DEUP1: variants seen among roughly 807,000 people sequenced by gnomAD.
DEUP1 encodes the protein coiled-coil domain containing 67.
In DEUP1, 82 loss-of-function variants were observed where a neutral mutation model predicts 87.4. The ratio of observed to expected loss-of-function variants is 0.94; its 90% CI spans 0.78 to 1.13. DEUP1 has a LOEUF of 1.13. DEUP1 is among the 50% of genes most tolerant of loss of function. The pLI is 0.00. For missense variants in DEUP1, 663 were observed against 681.5 expected, an observed-to-expected ratio of 0.97 and a Z score of 0.30; for synonymous variants, 214 against 222.7, an observed-to-expected ratio of 0.96 and a Z score of 0.35.
At chr11:93,407,489 C>A (rs1247842364) in intron 11 of DEUP1, among the ~76,000 whole-genome samples, 1 of 151,962 alleles carries the variant, frequency 6.6e-6, no homozygotes, top group African/African-American at 2.4e-5. Context: ...TTATAATTTT[C>A]TAAGTAGGCA....
At chr11:93,405,590 T>A (rs138353558) in intron 11 of DEUP1, among the ~76,000 whole-genome samples, 1 of 151,962 alleles carries the variant, frequency 6.6e-6, no homozygotes, top group African/African-American at 2.4e-5. Context: ...CCATAATAGG[T>A]AGTAAGCGGA....
intron 2 of DEUP1, among the ~76,000 whole-genome samples, chr11:93,334,405 CA>C (rs1456269173): frequency 6.6e-6 from 1 of 152,072 alleles, no homozygotes; most frequent in Non-Finnish European, 1.5e-5. Context: ...TAGCAGTGAA[CA>C]AAATAGACAA....
intron 4 of DEUP1, among the ~76,000 whole-genome samples, chr11:93,362,691 C>G (rs1174171423): frequency 1.3e-5 from 2 of 151,832 alleles, no homozygotes; most frequent in African/African-American, 4.8e-5. Flanking sequence ...CAATTCCACT[C>G]CTAGGTATAT....
chr11:93,412,114 C>G (rs1056595721), intron 12 of DEUP1, among the ~76,000 whole-genome samples: 1 of 152,160 alleles, frequency 6.6e-6, no homozygotes, highest in African/African-American at 2.4e-5. Flanking sequence ...GAATCTTGCT[C>G]CATGCTAAGG....
chr11:93,386,306 C>T (rs1003650894), intron 8 of DEUP1, among the ~76,000 whole-genome samples: 36 of 151,908 alleles, frequency 2.4e-4, no homozygotes, highest in African/African-American at 8.7e-4. Context: ...ATTCCATAAA[C>T]ACAAAGGAAA....
At chr11:93,339,143 A>C (rs1012060425) in intron 2 of DEUP1, among the ~76,000 whole-genome samples, 2 of 152,238 alleles carry the variant, frequency 1.3e-5, no homozygotes, top group Admixed American at 1.3e-4. Context: ...TCTAAAAGCA[A>C]TTATTAAGTT....
rs1946874964 is a variant in DEUP1 at position 93,394,566 on chromosome 11, T to C, written c.1149T>C (p.Thr383=). 6.2e-7 allele frequency: 1 copy of C among 1,613,266 alleles called. No homozygotes were observed. The highest frequency in any genetic ancestry group is 8.5e-7 in the Non-Finnish European group (1 of 1,179,580). The part of the protein sequence containing the change: ...LTEELHQKEI[T]IATVTKKAAL... ...AAGAGCTTCATCAGAAGGAGATCAC[T>C]ATAGCAACTGTCACAAAGAAAGCTG... The change falls in exon 10 of 14, where the codon ACT becomes ACC. Residue 383 remains threonine (T), a synonymous_variant. Transcript: ENST00000298050.
chr11:93,393,307 A>G (rs1946831313), intron 9 of DEUP1, among the ~76,000 whole-genome samples: 1 of 142,944 alleles, frequency 7.0e-6, no homozygotes, highest in Non-Finnish European at 1.5e-5. Flanking sequence ...ATTTTTTTCT[A>G]TGCCTTTTTA....
At chr11:93,408,196 C>A in intron 11 of DEUP1, 35 bp from the exon 12 acceptor site, 1 of 1,379,326 alleles carries the variant, frequency 7.2e-7, no homozygotes, top group Middle Eastern at 1.9e-4. Context: ...TTATAAGGGG[C>A]AGTTTATTCA....
At chr11:93,410,016 A>G (rs1195380559) in intron 12 of DEUP1, among the ~76,000 whole-genome samples, 1 of 152,114 alleles carries the variant, frequency 6.6e-6, no homozygotes, top group East Asian at 1.9e-4. Flanking sequence ...ACTCAGCTCT[A>G]CAGGTAGATA....
intron 2 of DEUP1, among the ~76,000 whole-genome samples, chr11:93,342,351 A>C (rs1329961116): frequency 6.6e-6 from 1 of 152,194 alleles, no homozygotes; most frequent in Non-Finnish European, 1.5e-5. Flanking sequence ...AATAGCGCAC[A>C]GTCATTGACC....
rs779134959 is a variant in DEUP1, at chr11:93,371,129, C to G, written c.638C>G (p.Pro213Arg). The change falls in exon 7 of 14, where the codon CCA becomes CGA. Residue 213 changes from proline to arginine, a missense_variant. Coordinates refer to ENST00000298050, the MANE Select transcript of DEUP1 (RefSeq NM_181645.4). ...GAAATTCCTCGTTTGATATGTGACC[C>G]AGATCCCAATTGTGAAATCAATGAA... is the stretch of plus-strand genomic sequence containing the variant. ...SSEIPRLICD[P>R]DPNCEINERD... 12 of 1,613,050 alleles carry G rather than the reference C, an allele frequency of 7.4e-6. No homozygotes were observed. The South Asian group carries it at 1.3e-4, about 18-fold the overall frequency.
chr11:93,364,234 A>G lies in DEUP1; in HGVS notation c.372A>G (p.Glu124=). The G allele has an allele frequency of 6.2e-7, 1 of 1,610,100 alleles. No homozygotes were observed. ...QMKQNKVPRK[E]LPHLKEEIPF... The stretch of plus-strand genomic sequence containing the variant: ...AACAAAACAAAGTTCCACGAAAAGA[A>G]TTACCACACCTTAAAGAAGAAATAC... Residue 124 remains glutamate, a synonymous_variant, in exon 5 of 14, where the codon GAA becomes GAG. Coordinates refer to ENST00000298050, the MANE Select transcript of DEUP1 (RefSeq NM_181645.4).
At chr11:93,419,381 A>G (rs958049290) in intron 13 of DEUP1, among the ~76,000 whole-genome samples, 1 of 152,202 alleles carries the variant, frequency 6.6e-6, no homozygotes. Flanking sequence ...GATAGCATCA[A>G]GGTTGCTTTG....
chr11:93,413,463 C>A (rs1429055548), intron 12 of DEUP1, among the ~76,000 whole-genome samples: 1 of 152,118 alleles, frequency 6.6e-6, no homozygotes, highest in East Asian at 1.9e-4. Flanking sequence ...GAGATGGTCT[C>A]GATCTCCTGA....
intron 2 of DEUP1, among the ~76,000 whole-genome samples, chr11:93,349,702 G>A (rs2134193156): frequency 1.3e-5 from 2 of 151,942 alleles, no homozygotes; most frequent in Admixed American, 1.3e-4. Context: ...TATTTTTCAG[G>A]CAGTATACTG....
At chr11:93,353,522 C>T (rs1944735950) in intron 2 of DEUP1, among the ~76,000 whole-genome samples, 1 of 152,192 alleles carries the variant, frequency 6.6e-6, no homozygotes, top group Admixed American at 6.5e-5. Context: ...TGTGGGTGTT[C>T]CTACCCCACA....
chr11:93,435,734 C>T (rs1445641278), intron 13 of DEUP1, among the ~76,000 whole-genome samples: 15 of 152,128 alleles, frequency 9.9e-5, no homozygotes, highest in Non-Finnish European at 8.8e-5. Flanking sequence ...TGGTGGCTCA[C>T]GCCTGTAATC....
At position 93,342,696 on chromosome 11, in the gene DEUP1, C is replaced by A. The variant is rs747355048; in HGVS notation, c.29+10408C>A. Among the ~76,000 whole-genome samples the A allele has an allele frequency of 3.3e-5, 5 of 152,246 alleles. No individual in the cohort carries two copies. In the South Asian group the frequency reaches 1.0e-3, roughly 32 times the overall value. On this transcript the variant is annotated intron_variant, in intron 2 of 13. Transcript: ENST00000298050. ...TTCCTCTCTGAATAATATCAAAGTT[C>A]TGTTAGTATGGAACAAAGGAAGGAT...
Sources: allele counts gnomAD v4.1 joint callset (sites outside exome capture counted in the v4.1 genomes callset), GRCh38; gene constraint gnomAD v4.1.1; transcripts MANE v1.5; gene names NCBI Gene and HGNC (gene_info 2026-07-23, HGNC 2026-07-21).